DIAPH3: variants seen among roughly 807,000 people sequenced by gnomAD.
The protein encoded by DIAPH3 is protein diaphanous homolog 3.
Under a neutral mutation model 144.3 loss-of-function variants are expected in DIAPH3, and 117 were observed. The observed-to-expected ratio is 0.81, with a 90% CI of 0.70 to 0.95. The LOEUF (loss-of-function observed/expected upper bound fraction) is 0.95. DIAPH3 is among the 40% of genes least tolerant of loss of function. The pLI, the probability that DIAPH3 is intolerant of heterozygous loss-of-function variation, is 0.00. For synonymous variants in DIAPH3, 519 were observed against 488.9 expected, an observed-to-expected ratio of 1.06 and a Z score of -0.81; for missense variants, 1,421 against 1,412.7, an observed-to-expected ratio of 1.01 and a Z score of -0.09.
intron 20 of DIAPH3, among the ~76,000 whole-genome samples, chr13:59,910,526 G>A (rs1339921754): frequency 1.3e-5 from 2 of 151,898 alleles, no homozygotes; most frequent in African/African-American, 2.4e-5. Context: ...TCAGGAGTTC[G>A]AGACCAGCCT....
intron 1 of DIAPH3, among the ~76,000 whole-genome samples, chr13:60,137,189 T>C (rs192120460): frequency 6.6e-6 from 1 of 152,294 alleles, no homozygotes; most frequent in Admixed American, 6.5e-5. Flanking sequence ...AGGGTCACTC[T>C]GGAATTGAAA....
At position 59,855,447 on chromosome 13, in the gene DIAPH3, TTTA is replaced by T. The variant is rs551947421; in HGVS notation, c.2737+5957_2737+5959del. On this transcript the variant is annotated intron_variant, in intron 22 of 27. Transcript: ENST00000400324. Reference sequence around the variant, plus strand: ...TTATATTTTAAAAATAAATTTAACTTTTATTATATTTGGCTTATATTAACATTA... The same window carrying T: ...TTATATTTTAAAAATAAATTTAACTTTTATATTTGGCTTATATTAACATTA... 1.1e-3 allele frequency among the ~76,000 whole-genome samples: 163 copies of T among 152,076 alleles called. 1 individual carries two copies. The highest frequency in any genetic ancestry group is 3.7e-3 in the African/African-American group (155 of 41,528).
At chr13:60,049,968 T>C (rs758002780) in intron 4 of DIAPH3, among the ~76,000 whole-genome samples, 3 of 152,200 alleles carry the variant, frequency 2.0e-5, no homozygotes, top group Non-Finnish European at 2.9e-5. Flanking sequence ...GGCAGGAAGA[T>C]TGCTAGAGGC....
Position 59,806,325 on chromosome 13 carries a change from C to G in DIAPH3, c.3163+4463G>C, listed in dbSNP as rs575189175. On this transcript the variant is annotated intron_variant, in intron 25 of 27. Coordinates refer to ENST00000400324, the MANE Select transcript of DIAPH3 (RefSeq NM_001042517.2). ...GTTCTGTACTAAAATATAACACCTG[C>G]GAAGAAAAATTACATAAAGTTTCAA... is the stretch of plus-strand genomic sequence containing the variant. Among the ~76,000 whole-genome samples, 52 of 151,870 alleles carry G rather than the reference C, an allele frequency of 3.4e-4. No individual in the cohort carries two copies. The South Asian group carries it at 0.01, about 30-fold the overall frequency.
At chr13:59,953,198 G>A (rs766356830) in intron 17 of DIAPH3, among the ~76,000 whole-genome samples, 1 of 152,118 alleles carries the variant, frequency 6.6e-6, no homozygotes, top group Non-Finnish European at 1.5e-5. Context: ...TCTGGAGCAT[G>A]AATGTTCCTG....
At chr13:59,812,264 C>CCATCCATT (rs1468768846) in intron 24 of DIAPH3, among the ~76,000 whole-genome samples, 15 of 145,896 alleles carry the variant, frequency 1.0e-4, no homozygotes, top group African/African-American at 3.7e-4. Context: ...ATCCATCCAT[C>CCATCCATT]CATCCATCCA....
intron 20 of DIAPH3, among the ~76,000 whole-genome samples, chr13:59,910,115 T>C (rs1029366097): frequency 1.3e-5 from 2 of 152,002 alleles, no homozygotes; most frequent in Non-Finnish European, 2.9e-5. Context: ...TTAATGTACA[T>C]GGAAAATATT....
intron 4 of DIAPH3, among the ~76,000 whole-genome samples, chr13:60,046,600 G>C (rs2056078676): frequency 6.6e-6 from 1 of 152,158 alleles, no homozygotes; most frequent in Admixed American, 6.5e-5. Context: ...AATACCATTT[G>C]ACCGAGCAAT....
intron 22 of DIAPH3, 46 bp from the exon 23 acceptor site, chr13:59,839,494 A>T: frequency 6.3e-7 from 1 of 1,589,672 alleles, no homozygotes; most frequent in Non-Finnish European, 8.6e-7. Flanking sequence ...AAATTATAAT[A>T]TATAAAAGGT....
At chr13:59,977,986 T>G (rs1201065464) in intron 14 of DIAPH3, among the ~76,000 whole-genome samples, 1 of 151,744 alleles carries the variant, frequency 6.6e-6, no homozygotes, top group Non-Finnish European at 1.5e-5. Context: ...AGGCTCAGAT[T>G]AGACATCACT....
At chr13:59,795,530 C>T (rs372987304) in intron 25 of DIAPH3, among the ~76,000 whole-genome samples, 1 of 151,196 alleles carries the variant, frequency 6.6e-6, no homozygotes, top group East Asian at 2.0e-4. Context: ...TCTCAGCTCA[C>T]TGCGAGCTCC....
At chr13:59,824,122 C>T (rs2041237294) in intron 24 of DIAPH3, among the ~76,000 whole-genome samples, 1 of 151,824 alleles carries the variant, frequency 6.6e-6, no homozygotes, top group Non-Finnish European at 1.5e-5. Flanking sequence ...AAACAGGTAG[C>T]TATTTATTTA....
intron 7 of DIAPH3, among the ~76,000 whole-genome samples, chr13:60,011,529 A>G (rs1409216314): frequency 1.3e-5 from 2 of 152,248 alleles, no homozygotes; most frequent in Non-Finnish European, 2.9e-5. Flanking sequence ...TAACCAATAT[A>G]AAACATTTAT....
At chr13:60,093,799 A>G (rs2137913209) in intron 3 of DIAPH3, 67 bp from the exon 4 acceptor site, 1 of 988,532 alleles carries the variant, frequency 1.0e-6, no homozygotes, top group Non-Finnish European at 1.6e-6. Context: ...CATGCACTAC[A>G]AATGGAAAAA....
At chr13:59,890,095 C>T (rs971270961) in intron 20 of DIAPH3, among the ~76,000 whole-genome samples, 4 of 152,236 alleles carry the variant, frequency 2.6e-5, no homozygotes, top group South Asian at 2.1e-4. Flanking sequence ...TCCACTCTCA[C>T]CCTGTAGCAG....
intron 27 of DIAPH3, among the ~76,000 whole-genome samples, chr13:59,742,669 A>G (rs2036519220): frequency 1.3e-5 from 2 of 151,742 alleles, no homozygotes; most frequent in Non-Finnish European, 1.5e-5. Flanking sequence ...AAAGGAAAGG[A>G]AAGGAAGAAA....
intron 22 of DIAPH3, among the ~76,000 whole-genome samples, chr13:59,841,138 T>C (rs1323252488): frequency 2.6e-5 from 4 of 152,174 alleles, no homozygotes; most frequent in Non-Finnish European, 5.9e-5. Context: ...CAAAGTTCTC[T>C]ATCTGCATTA....
At chr13:59,957,657 A>C (rs1016674488) in intron 17 of DIAPH3, among the ~76,000 whole-genome samples, 2 of 152,236 alleles carry the variant, frequency 1.3e-5, no homozygotes, top group African/African-American at 4.8e-5. Context: ...AAAGTATTTA[A>C]TGAAAACACA....
chr13:60,037,091 C>T (rs552891754), intron 5 of DIAPH3, among the ~76,000 whole-genome samples: 210 of 14,384 alleles, frequency 0.015, no homozygotes, highest in South Asian at 0.017. Flanking sequence ...CCTAGGAAGG[C>T]TATCCTTCCA....
Sources: gnomAD v4.1 joint callset for allele counts (sites outside exome capture counted in the v4.1 genomes callset) on GRCh38, gnomAD v4.1.1 for gene constraint, MANE v1.5 for transcripts, NCBI Gene and HGNC (gene_info 2026-07-23, HGNC 2026-07-21) for gene names.